Variants in MVB12A observed in about 807,000 individuals in gnomAD.
The protein encoded by MVB12A is multivesicular body subunit 12A, also known as CIN85/CD2AP family binding protein.
In MVB12A, 30 loss-of-function variants were observed where a neutral mutation model predicts 34.3. The ratio of observed to expected loss-of-function variants is 0.88; its 90% CI spans 0.65 to 1.19. MVB12A has a LOEUF of 1.19. Among genes scored for constraint, MVB12A ranks in the 50% most tolerant of loss-of-function variants. The pLI is 0.00. For synonymous variants in MVB12A, 158 were observed against 158.9 expected, an observed-to-expected ratio of 0.99 and a Z score of 0.04; for missense variants, 355 against 369.2, an observed-to-expected ratio of 0.96 and a Z score of 0.31.
intron 2 of MVB12A, among the ~76,000 whole-genome samples, chr19:17,412,417 C>A (rs1443639809): frequency 1.3e-5 from 2 of 152,118 alleles, no homozygotes; most frequent in South Asian, 2.1e-4. Flanking sequence ...AAGGTGTGTG[C>A]CACCACGCCC....
At chr19:17,407,373 G>A (rs918715989) in intron 2 of MVB12A, among the ~76,000 whole-genome samples, 1 of 152,152 alleles carries the variant, frequency 6.6e-6, no homozygotes, top group South Asian at 2.1e-4. Flanking sequence ...CCAGCAATGC[G>A]CGGAGACTGG....
chr19:17,422,664 A>G, intron 4 of MVB12A: 1 of 409,944 alleles, frequency 2.4e-6, no homozygotes, highest in Non-Finnish European at 4.2e-6. Flanking sequence ...AAGTAGACAT[A>G]ACAGGACTGG....
rs375401387 is a variant in MVB12A, at chr19:17,412,372, T to C, written c.-5+6076T>C. 4.3e-4 allele frequency among the ~76,000 whole-genome samples: 66 copies of C among 152,304 alleles called. 1 individual carries two copies. The South Asian group carries it at 0.012, about 28-fold the overall frequency. On this transcript the variant is annotated intron_variant, in intron 2 of 6. Transcript: ENST00000528604. ...ACCTCTGTCTCCCTGGTTCAAGTGA[T>C]TGTCCTGCCTCAGCCTCCCAAGTAG... is the stretch of plus-strand genomic sequence containing the variant.
rs199791952 is a variant in MVB12A, at chr19:17,420,455, C to T, written c.189+44C>T. On this transcript the variant is annotated intron_variant, in intron 2 of 8. Transcript: ENST00000317040. ...CGGAACCACCAGGGTCTGCCCACCT[C>T]CCCTGCCCATTCACGGTGCCCTATG... 1.2e-5 allele frequency: 20 copies of T among 1,601,082 alleles called. No homozygotes were observed. The East Asian group carries it at 4.5e-4, about 36-fold the overall frequency.
chr19:17,425,081 C>G lies in MVB12A; in HGVS notation c.*88C>G. On this transcript the variant is annotated 3_prime_UTR_variant, in exon 9 of 9. Transcript: ENST00000317040. Reference sequence around the variant, plus strand: ...CCCCTCACTGCATCCTGGGGCCACCCCCACTCACTGCATCCTGGGAACCTT... The same window carrying G: ...CCCCTCACTGCATCCTGGGGCCACCGCCACTCACTGCATCCTGGGAACCTT... 2.1e-6 allele frequency: 1 copy of G among 473,724 alleles called. No homozygotes were observed. Among genetic ancestry groups the G allele is most frequent in the Admixed American group, 4.2e-5 (1 of 23,942 alleles). 29.3% of individuals were successfully genotyped at this position (473,724 alleles called of 1,614,324 possible).
chr19:17,410,527 T>TACACACACAC (rs1375212841), intron 2 of MVB12A, among the ~76,000 whole-genome samples: 2 of 78,038 alleles, frequency 2.6e-5, no homozygotes, highest in African/African-American at 1.3e-4. Context: ...TATATATATA[T>TACACACACAC]ATACACACAC....
chr19:17,412,837 C>T (rs1001013922), intron 2 of MVB12A, among the ~76,000 whole-genome samples: 2 of 152,116 alleles, frequency 1.3e-5, no homozygotes, highest in African/African-American at 4.8e-5. Context: ...TGGTGGAGGG[C>T]TGATGGATGT....
At chr19:17,410,529 T>TATATATATACACACACAC in intron 2 of MVB12A, among the ~76,000 whole-genome samples, 4 of 74,478 alleles carry the variant, frequency 5.4e-5, no homozygotes, top group Non-Finnish European at 7.4e-5. Context: ...TATATATATA[T>TATATATATACACACACAC]ACACACACAC....
chr19:17,410,915 G>A (rs1462836008), intron 2 of MVB12A, among the ~76,000 whole-genome samples: 2 of 110,472 alleles, frequency 1.8e-5, no homozygotes, highest in Admixed American at 1.1e-4. Context: ...GCGACAGAGT[G>A]AGACTCTGTC....
upstream of MVB12A, chr19:17,417,857 C>A: frequency 6.2e-6 from 2 of 323,534 alleles, no homozygotes; most frequent in South Asian, 2.8e-5. Context: ...TTGGAAAATT[C>A]TGCAAAATTG....
chr19:17,410,509 T>TATACAC (rs1272134109), intron 2 of MVB12A, among the ~76,000 whole-genome samples: 2 of 39,282 alleles, frequency 5.1e-5, no homozygotes, highest in African/African-American at 1.7e-4. Flanking sequence ...TATATATATA[T>TATACAC]ATATATATAT....
upstream of MVB12A, chr19:17,419,959 C>A (rs1176551302): frequency 4.9e-6 from 2 of 408,982 alleles, no homozygotes; most frequent in African/African-American, 4.1e-5. Context: ...CGCCTCCCCA[C>A]GCCATTGGCC....
Position 17,408,829 on chromosome 19 carries a change from C to CT in MVB12A, c.-5+2551dup, listed in dbSNP as rs60162893. On this transcript the variant is annotated intron_variant, in intron 2 of 6. Transcript: ENST00000528604. Reference sequence around the variant, plus strand: ...AAAGTAATTGCGGTTTCTGCCATTACTTTTTTTTTTTTTTTTTTGAGAGGG... The same window carrying CT: ...AAAGTAATTGCGGTTTCTGCCATTACTTTTTTTTTTTTTTTTTTTGAGAGGG... Among the ~76,000 whole-genome samples the CT allele has an allele frequency of 3.9e-3, 475 of 120,688 alleles. 24 individuals are homozygous for CT. Among genetic ancestry groups the CT allele is most frequent in the Middle Eastern group, 5.6e-3 (1 of 178 alleles). 79.2% of individuals were successfully genotyped at this position (120,688 alleles called of 152,430 possible). A position where few individuals can be genotyped will look rare whatever the true frequency, so the allele number is the denominator to read the frequency against.
At chr19:17,411,909 C>T (rs1245359417) in intron 2 of MVB12A, among the ~76,000 whole-genome samples, 1 of 152,198 alleles carries the variant, frequency 6.6e-6, no homozygotes, top group Non-Finnish European at 1.5e-5. Context: ...GATGTGGCCC[C>T]GGATGGGCTT....
chr19:17,420,900 TTGTGTCTTTTTACACCA>T (rs2074834731), intron 3 of MVB12A: 2 of 667,988 alleles, frequency 3.0e-6, no homozygotes, highest in Non-Finnish European at 5.5e-6. Flanking sequence ...GTTGTGCTAC[TTGTGTCTTTTTACACCA>T]TAGCCAAGCA....
intron 3 of MVB12A, 154 bp downstream of exon 3, chr19:17,420,788 G>C: frequency 3.1e-6 from 2 of 641,262 alleles, no homozygotes; most frequent in Non-Finnish European, 5.7e-6. Context: ...CCTGCCCTAG[G>C]GTGGACCGAC....
upstream of MVB12A, among the ~76,000 whole-genome samples, chr19:17,415,890 C>A (rs1333201378): frequency 6.6e-6 from 1 of 152,216 alleles, no homozygotes; most frequent in African/African-American, 2.4e-5. Flanking sequence ...AACAAAAGAA[C>A]CCTCACAATC....
chr19:17,423,453 C>T (rs2074850517), intron 4 of MVB12A, 45 bp from the exon 5 acceptor site: 3 of 1,599,042 alleles, frequency 1.9e-6, no homozygotes, highest in Admixed American at 3.4e-5. Context: ...TCAACCCTGG[C>T]CCCACACCGG....
rs1241353972 is a variant in MVB12A at position 17,425,070 on chromosome 19, CT to C, written c.*78del. ...TGGGGCCACCCCCCCTCACTGCATC[CT>C]GGGGCCACCCCCACTCACTGCATCC... is the stretch of plus-strand genomic sequence containing the variant. On this transcript the variant is annotated 3_prime_UTR_variant, in exon 9 of 9. Coordinates refer to ENST00000317040, the MANE Select transcript of MVB12A (RefSeq NM_138401.4). The C allele has an allele frequency of 2.6e-5, 13 of 509,390 alleles. No individual in the cohort carries two copies. Among genetic ancestry groups the C allele is most frequent in the Non-Finnish European group, 3.7e-5 (12 of 325,126 alleles). 31.6% of individuals were successfully genotyped at this position (509,390 alleles called of 1,614,324 possible).
Sources: gnomAD v4.1 joint callset for allele counts (sites outside exome capture counted in the v4.1 genomes callset) on GRCh38, gnomAD v4.1.1 for gene constraint, MANE v1.5 for transcripts, NCBI Gene and HGNC (gene_info 2026-07-23, HGNC 2026-07-21) for gene names.